Variants in PLCG2 observed in about 807,000 individuals in gnomAD.
PLCG2 encodes 1-phosphatidylinositol 4,5-bisphosphate phosphodiesterase gamma-2.
A neutral mutation model predicts 175.6 loss-of-function variants in PLCG2; 69 were observed. The observed-to-expected ratio is 0.39, with a 90% CI of 0.32 to 0.48. The LOEUF (loss-of-function observed/expected upper bound fraction) is 0.48, where lower values mean the gene tolerates loss of function less well. PLCG2 is among the 20% of genes least tolerant of loss of function. The pLI is 0.91. For missense variants in PLCG2, 1,798 were observed against 1,650.9 expected, an observed-to-expected ratio of 1.09 and a Z score of -1.54; for synonymous variants, 827 against 624.0, an observed-to-expected ratio of 1.33 and a Z score of -4.85.
rs999438795 is a variant in PLCG2, at chr16:81,813,963, A to G, written c.193+27781A>G. 5.9e-5 allele frequency among the ~76,000 whole-genome samples: 9 copies of G among 152,344 alleles called. 2 individuals carry two copies. Among genetic ancestry groups the G allele is most frequent in the Admixed American group, 5.9e-4 (9 of 15,308 alleles). On this transcript the variant is annotated intron_variant, in intron 2 of 32. Coordinates refer to ENST00000564138, the MANE Select transcript of PLCG2 (RefSeq NM_002661.5). ...TGTTGATGGGAAGAAGTTTGTGGCT[A>G]TCGTGAATCCACCAGAGATGGAGAC...
chr16:81,938,205 A>G (rs1910796371), intron 28 of PLCG2, among the ~76,000 whole-genome samples: 1 of 151,672 alleles, frequency 6.6e-6, no homozygotes, highest in Non-Finnish European at 1.5e-5. Flanking sequence ...GGAAAGAGAA[A>G]GAAAACATGG....
chr16:81,868,012 G>A (rs544354331), intron 5 of PLCG2, among the ~76,000 whole-genome samples: 3 of 152,246 alleles, frequency 2.0e-5, no homozygotes, highest in African/African-American at 4.8e-5. Flanking sequence ...CTCGCTTCCC[G>A]CTTCAGCTGA....
intron 3 of PLCG2, among the ~76,000 whole-genome samples, chr16:81,855,981 C>G (rs1213755067): frequency 6.6e-6 from 1 of 152,198 alleles, no homozygotes; most frequent in Non-Finnish European, 1.5e-5. Flanking sequence ...TGAGCCCTGA[C>G]CCCCTGTTCT....
intron 31 of PLCG2, among the ~76,000 whole-genome samples, chr16:81,955,589 A>T (rs1368533747): frequency 6.6e-6 from 1 of 152,166 alleles, no homozygotes; most frequent in Admixed American, 6.5e-5. Flanking sequence ...TGTTTCAGTC[A>T]TGGCTGAATC....
At chr16:81,820,464 A>G (rs1904745221) in intron 2 of PLCG2, among the ~76,000 whole-genome samples, 1 of 152,226 alleles carries the variant, frequency 6.6e-6, no homozygotes, top group Non-Finnish European at 1.5e-5. Context: ...TGATGTTCTC[A>G]AGGTTCACCC....
chr16:81,881,370 C>G (rs1010482261), intron 8 of PLCG2, among the ~76,000 whole-genome samples: 6 of 152,150 alleles, frequency 3.9e-5, no homozygotes, highest in Non-Finnish European at 5.9e-5. Flanking sequence ...ATGCTTGGCA[C>G]CCATGAGGGG....
chr16:81,957,957 T>A lies in PLCG2; in HGVS notation c.3757T>A (p.Leu1253Ile). ...ATGGTGAAATCTGTTTTATTTCAGG[T>A]TAAGAGAGAAGAGAGTCAGCAACAG... ...QLYQEKCNKRLREKRVSNSKF... is the reference protein window; with the variant it reads ...QLYQEKCNKRIREKRVSNSKF... The change falls in exon 33 of 33, where the codon TTA (leucine) becomes ATA (isoleucine). Residue 1253 changes from leucine to isoleucine, a missense_variant and splice_region_variant. Coordinates refer to ENST00000564138, the MANE Select transcript of PLCG2 (RefSeq NM_002661.5). The A allele has an allele frequency of 6.2e-7, 1 of 1,613,732 alleles. No individual in the cohort carries two copies. Among genetic ancestry groups the A allele is most frequent in the Non-Finnish European group, 8.5e-7 (1 of 1,179,648 alleles).
At chr16:81,837,883 T>C (rs1905607889) in intron 2 of PLCG2, among the ~76,000 whole-genome samples, 1 of 152,148 alleles carries the variant, frequency 6.6e-6, no homozygotes, top group South Asian at 2.1e-4. Flanking sequence ...ATTCACAACA[T>C]TCATAGAACC....
intron 2 of PLCG2, among the ~76,000 whole-genome samples, chr16:81,787,055 C>A (rs959944694): frequency 6.6e-6 from 1 of 152,100 alleles, no homozygotes; most frequent in East Asian, 1.9e-4. Context: ...ATGATGTTGG[C>A]GGTGGTTTCT....
intron 2 of PLCG2, among the ~76,000 whole-genome samples, chr16:81,820,222 G>C (rs1308577122): frequency 6.6e-6 from 1 of 152,120 alleles, no homozygotes; most frequent in African/African-American, 2.4e-5. Flanking sequence ...CACATGTGTA[G>C]ACATGTGTAA....
chr16:81,879,300 T>C (rs1458996051), intron 7 of PLCG2, among the ~76,000 whole-genome samples: 1 of 152,144 alleles, frequency 6.6e-6, no homozygotes, highest in Non-Finnish European at 1.5e-5. Flanking sequence ...TGAGTCCAAA[T>C]AGCAACATGC....
chr16:81,908,897 T>C lies in PLCG2; in HGVS notation c.1733+306T>C, dbSNP rs558764659. Among the ~76,000 whole-genome samples, 3 of 152,358 alleles carry C rather than the reference T, an allele frequency of 2.0e-5. No homozygotes were observed. In the East Asian group the frequency reaches 5.8e-4, roughly 29 times the overall value. On this transcript the variant is annotated intron_variant, in intron 17 of 32. Transcript: ENST00000564138. ...AAGATCTGACCCTACTCTTAGATGA[T>C]GTGGTCTCACTCACTTTCCCCGATC...
intron 2 of PLCG2, among the ~76,000 whole-genome samples, chr16:81,830,513 G>T (rs1248675928): frequency 2.0e-5 from 3 of 151,938 alleles, no homozygotes; most frequent in Non-Finnish European, 2.9e-5. Flanking sequence ...CACCACGTTG[G>T]CCATGCTGGT....
At chr16:81,788,747 A>G (rs12716920) in intron 2 of PLCG2, among the ~76,000 whole-genome samples, 15,020 of 152,302 alleles carry the variant, frequency 0.099, 951 homozygotes, top group Middle Eastern at 0.16. Flanking sequence ...TTTGGAGCCC[A>G]GTGGGTCTCT....
rs1453527896 is a variant in PLCG2 at position 81,755,351 on chromosome 16, C to T, written c.-144-519C>T. Reference sequence around the variant, plus strand: ...AGCTGGGGCTACAGGCATGCACCACCATGCCTGGCTAATTTTGTATTTTTT... The same window carrying T: ...AGCTGGGGCTACAGGCATGCACCACTATGCCTGGCTAATTTTGTATTTTTT... On this transcript the variant is annotated intron_variant, in intron 1 of 5. Coordinates refer to the PLCG2 transcript ENST00000565054. Among the ~76,000 whole-genome samples, 3 of 148,810 alleles carry T rather than the reference C, an allele frequency of 2.0e-5. No individual in the cohort carries two copies. The Admixed American group carries it at 2.1e-4, about 10-fold the overall frequency.
chr16:81,860,416 A>G (rs1906923496), intron 5 of PLCG2, among the ~76,000 whole-genome samples: 1 of 151,998 alleles, frequency 6.6e-6, no homozygotes, highest in Non-Finnish European at 1.5e-5. Flanking sequence ...ATTCTCAGAA[A>G]CGAATACCAG....
Position 81,928,058 on chromosome 16 carries a change from C to G in PLCG2, c.2515-500C>G, listed in dbSNP as rs183048029. ...CCTAAGCCCAGGATATTCTTCATCT[C>G]AGCCAGACCCTGGGATGGTTCAAGG... On this transcript the variant is annotated intron_variant, in intron 23 of 32. Transcript: ENST00000564138. Among the ~76,000 whole-genome samples, 20 of 152,216 alleles carry G rather than the reference C, an allele frequency of 1.3e-4. No individual in the cohort carries two copies. In the East Asian group the frequency reaches 3.5e-3, roughly 26 times the overall value.
chr16:81,933,466 C>CTAGT (rs1271141266), intron 25 of PLCG2, among the ~76,000 whole-genome samples: 24 of 152,152 alleles, frequency 1.6e-4, no homozygotes, highest in African/African-American at 5.8e-4. Context: ...CAAAATCCTT[C>CTAGT]TAGTTAGTGG....
At chr16:81,907,832 C>T in intron 16 of PLCG2, 58 bp downstream of exon 16, 3 of 1,294,644 alleles carry the variant, frequency 2.3e-6, no homozygotes, top group Non-Finnish European at 3.3e-6. Context: ...GAGGACCAGC[C>T]AGTCCCCGGG....
Sources: gnomAD v4.1 joint callset for allele counts (sites outside exome capture counted in the v4.1 genomes callset) on GRCh38, gnomAD v4.1.1 for gene constraint, MANE v1.5 for transcripts, NCBI Gene and HGNC (gene_info 2026-07-23, HGNC 2026-07-21) for gene names.